The following ATG7 variants were observed in gnomAD, a reference collection of about 807,000 sequenced individuals.
ATG7 encodes ubiquitin-like modifier-activating enzyme ATG7.
ATG7 carries 70 observed loss-of-function variants against 82.4 expected under a neutral mutation model. The observed-to-expected ratio is 0.85, with a 90% CI of 0.70 to 1.04. ATG7 has a LOEUF of 1.04. ATG7 is among the 50% of genes least tolerant of loss of function. ATG7 has a pLI of 0.00. For synonymous variants in ATG7, 287 were observed against 313.0 expected (o/e 0.92, Z 0.88); for missense variants, 792 against 864.3 (o/e 0.92, Z 1.05).
chr3:11,529,730 C>CA (rs1281135491), intron 20 of ATG7: 11 of 152,630 alleles, frequency 7.2e-5, no homozygotes, highest in African/African-American at 2.7e-4. Flanking sequence ...CAGTGGCAAG[C>CA]ATGGCAGGGG....
chr3:11,492,662 C>T (rs1446547359), intron 20 of ATG7, among the ~76,000 whole-genome samples: 1 of 152,194 alleles, frequency 6.6e-6, no homozygotes, highest in Non-Finnish European at 1.5e-5. Flanking sequence ...CTTGGGTCCA[C>T]TCACTCCACC....
intron 14 of ATG7, among the ~76,000 whole-genome samples, chr3:11,352,096 G>A (rs990853847): frequency 2.0e-5 from 3 of 150,222 alleles, no homozygotes; most frequent in South Asian, 2.1e-4. Context: ...GTGAGAACAC[G>A]CGGTGTTTGG....
At chr3:11,411,977 C>CTTT (rs34865634) in intron 19 of ATG7, among the ~76,000 whole-genome samples, 8 of 147,780 alleles carry the variant, frequency 5.4e-5, no homozygotes, top group South Asian at 2.1e-4. Flanking sequence ...AAAGACTGTC[C>CTTT]TTTTTTTTTT....
At chr3:11,469,208 G>C (rs2087147756) in intron 20 of ATG7, among the ~76,000 whole-genome samples, 1 of 152,178 alleles carries the variant, frequency 6.6e-6, no homozygotes, top group South Asian at 2.1e-4. Context: ...CCAGCACTTT[G>C]GGAGGCCGAG....
rs1056589257 is a variant in ATG7, at chr3:11,488,397, G to A, written c.2079+61471G>A. On this transcript the variant is annotated intron_variant, in intron 20 of 20. Transcript: ENST00000693202. The stretch of plus-strand genomic sequence containing the variant: ...CGGCGGCAAAGACTGAGACAGCTCC[G>A]CTGCCCGCTGAACTCCATCCTCCCG... 2.2e-4 allele frequency: 254 copies of A among 1,180,018 alleles called. 1 individual carries two copies. The highest frequency in any genetic ancestry group is 2.6e-4 in the Non-Finnish European group (241 of 910,022). The allele number at this position is 1,180,018 out of a possible 1,614,324, so 73.1% of individuals were successfully genotyped here. A position where few individuals can be genotyped will look rare whatever the true frequency, so the allele number is the denominator to read the frequency against.
intron 9 of ATG7, among the ~76,000 whole-genome samples, chr3:11,330,536 T>C (rs1951498992): frequency 6.6e-6 from 1 of 152,170 alleles, no homozygotes; most frequent in Non-Finnish European, 1.5e-5. Context: ...TCTTTCCTGA[T>C]ATTATAAGAT....
intron 5 of ATG7, among the ~76,000 whole-genome samples, chr3:11,306,716 C>G (rs776603418): frequency 5.3e-5 from 8 of 152,136 alleles, no homozygotes; most frequent in Non-Finnish European, 1.2e-4. Context: ...AGAACAGCAT[C>G]CTGATAGGTT....
At chr3:11,426,510 T>C (rs990491303) in intron 19 of ATG7, among the ~76,000 whole-genome samples, 1 of 152,222 alleles carries the variant, frequency 6.6e-6, no homozygotes, top group African/African-American at 2.4e-5. Flanking sequence ...CACTGAACTT[T>C]AGAGCCACTA....
intron 20 of ATG7, chr3:11,510,225 C>T (rs1259576428): frequency 4.4e-6 from 2 of 456,622 alleles, no homozygotes; most frequent in Non-Finnish European, 8.8e-6. Context: ...GGCACCTTCC[C>T]CGCCCATCAG....
chr3:11,502,374 C>A (rs2091398294), intron 20 of ATG7, among the ~76,000 whole-genome samples: 2 of 102,404 alleles, frequency 2.0e-5, no homozygotes, highest in East Asian at 3.7e-4. Flanking sequence ...TCCCTCCCCC[C>A]TCCCCCCACC....
chr3:11,321,265 C>T (rs553574414), intron 9 of ATG7, among the ~76,000 whole-genome samples: 1 of 152,244 alleles, frequency 6.6e-6, no homozygotes, highest in South Asian at 2.1e-4. Context: ...GTGAATGAGT[C>T]CTCTTTGTTC....
Position 11,348,007 on chromosome 3 carries a change from A to C in ATG7, c.1256A>C (p.Asp419Ala), listed in dbSNP as rs761322049. Residue 419 changes from aspartate (D) to alanine (A), a missense_variant, in exon 14 of 21, where the codon GAC becomes GCC. By Grantham distance (126) the Asp-to-Ala change is moderately radical (BLOSUM62 -2). Transcript: ENST00000693202. ...AAGCCCAAGGCTCTGGCAGCAGCGG[A>C]CCGGCTCCAGAAAATATTCCCCGGT... ...GGKPKALAAA[D>A]RLQKIFPGVN... 1 of 1,613,848 alleles carries C rather than the reference A, an allele frequency of 6.2e-7. No homozygotes were observed. Among genetic ancestry groups the C allele is most frequent in the African/African-American group, 1.3e-5 (1 of 74,922 alleles).
chr3:11,417,810 A>ATTATTTTTTTT (rs1559578532), intron 19 of ATG7, among the ~76,000 whole-genome samples: 1 of 97,982 alleles, frequency 1.0e-5, no homozygotes, highest in Non-Finnish European at 2.0e-5. Flanking sequence ...ATTTTATTTT[A>ATTATTTTTTTT]TTTTATTTTT....
chr3:11,537,488 G>C (rs2070419037), intron 20 of ATG7, among the ~76,000 whole-genome samples: 1 of 152,168 alleles, frequency 6.6e-6, no homozygotes. Context: ...GTGTTCAAAG[G>C]ATGCTGGCTG....
In ATG7 at chr3:11,337,629, A is replaced by T. The variant is rs371573922; in HGVS notation, c.890-3016A>T. On this transcript the variant is annotated intron_variant, in intron 11 of 20. Transcript: ENST00000693202. ...TTAAAGGGCATCTAATTTTCTTAGA[A>T]ATGGCTATAGCCTTTATTATTATTA... Among the ~76,000 whole-genome samples the T allele has an allele frequency of 3.2e-4, 49 of 152,134 alleles. No individual in the cohort carries two copies. The East Asian group carries it at 8.7e-3, about 27-fold the overall frequency.
rs1943193127 is a variant in ATG7, at chr3:11,282,216, G to A, written c.-233G>A. The A allele has an allele frequency of 6.6e-6, 1 of 152,136 alleles. No individual in the cohort carries two copies. 9.4% of individuals were successfully genotyped at this position (152,136 alleles called of 1,614,324 possible). On this transcript the variant is annotated 5_prime_UTR_variant, in exon 3 of 21. Transcript: ENST00000693202. Reference sequence around the variant, plus strand: ...AGGCTTCTCAAACCCCATAATGCTGGTATCCAGTGCATCCGTTCTCAAAAA... The same window carrying A: ...AGGCTTCTCAAACCCCATAATGCTGATATCCAGTGCATCCGTTCTCAAAAA...
intron 19 of ATG7, among the ~76,000 whole-genome samples, chr3:11,405,310 C>T (rs1334813650): frequency 1.3e-5 from 2 of 152,072 alleles, no homozygotes; most frequent in African/African-American, 2.4e-5. Flanking sequence ...ATTGGGCTGC[C>T]GGTTTTCACT....
intron 1 of ATG7, among the ~76,000 whole-genome samples, chr3:11,277,023 C>T (rs561434684): frequency 3.3e-5 from 5 of 152,340 alleles, no homozygotes; most frequent in South Asian, 2.1e-4. Context: ...AGAGTCATCT[C>T]AGACTCTTCC....
rs77928941 is a variant in ATG7 at position 11,422,434 on chromosome 3, G to A, written c.1957-4370G>A. On this transcript the variant is annotated intron_variant, in intron 19 of 20. Coordinates refer to ENST00000693202, the MANE Select transcript of ATG7 (RefSeq NM_001349232.2). ...ATTAGCCAACCTCTGCTAGCTTCCA[G>A]CTGTGCCTCTGTAGCCTCCTTACCT... 1.3e-3 allele frequency among the ~76,000 whole-genome samples: 203 copies of A among 152,282 alleles called. 2 individuals are homozygous for A. The highest frequency in any genetic ancestry group is 4.6e-3 in the African/African-American group (190 of 41,548).
Sources: allele counts gnomAD v4.1 joint callset (sites outside exome capture counted in the v4.1 genomes callset), GRCh38; gene constraint gnomAD v4.1.1; transcripts MANE v1.5; gene names NCBI Gene and HGNC (gene_info 2026-07-23, HGNC 2026-07-21).